The following STT3B variants were observed in gnomAD, a reference collection of about 807,000 sequenced individuals.
STT3B encodes dolichyl-diphosphooligosaccharide--protein glycosyltransferase subunit STT3B.
STT3B carries 29 observed loss-of-function variants against 96.8 expected under a neutral mutation model. The ratio of observed to expected loss-of-function variants is 0.30; its 90% CI spans 0.22 to 0.41. The LOEUF (loss-of-function observed/expected upper bound fraction) is 0.41. STT3B is among the 10% of genes least tolerant of loss of function. The pLI, the probability that STT3B is intolerant of heterozygous loss-of-function variation, is 1.00. For synonymous variants in STT3B, 367 were observed against 360.0 expected, an observed-to-expected ratio of 1.02 and a Z score of -0.22; for missense variants, 640 against 1,022.3, an observed-to-expected ratio of 0.63 and a Z score of 5.10.
At position 31,532,992 on chromosome 3, in the gene STT3B, G is replaced by A; in HGVS notation, c.-7G>A. The A allele has an allele frequency of 6.3e-7, 1 of 1,586,372 alleles. No individual in the cohort carries two copies. The highest frequency in any genetic ancestry group is 1.1e-5 in the South Asian group (1 of 89,432). ...GAGGAGAGCTAGACCCGCCGCCGGG[G>A]CACAACATGGCGGAGCCCTCGGCCC... On this transcript the variant is annotated 5_prime_UTR_variant, in exon 1 of 16. Transcript: ENST00000295770.
At chr3:31,583,595 A>G (rs1177704303) in intron 3 of STT3B, among the ~76,000 whole-genome samples, 2 of 152,102 alleles carry the variant, frequency 1.3e-5, no homozygotes, top group African/African-American at 4.8e-5. Context: ...CTGTCCTTTC[A>G]GTCTCTTTGT....
chr3:31,609,982 C>G (rs1699145553), intron 5 of STT3B, among the ~76,000 whole-genome samples: 1 of 152,156 alleles, frequency 6.6e-6, no homozygotes, highest in African/African-American at 2.4e-5. Context: ...TTCAGTGATT[C>G]ATTCTCAACA....
At chr3:31,579,209 A>G (rs1698326461) in intron 2 of STT3B, among the ~76,000 whole-genome samples, 1 of 152,024 alleles carries the variant, frequency 6.6e-6, no homozygotes. Flanking sequence ...TTAATTTTTC[A>G]GGAGTCCCAA....
intron 1 of STT3B, among the ~76,000 whole-genome samples, chr3:31,575,483 G>A (rs1698244835): frequency 6.6e-6 from 1 of 151,758 alleles, no homozygotes; most frequent in South Asian, 2.1e-4. Flanking sequence ...GGGATATGTT[G>A]CTTATTTTAG....
chr3:31,580,923 T>C (rs116331599), intron 3 of STT3B, among the ~76,000 whole-genome samples: 239 of 151,736 alleles, frequency 1.6e-3, no homozygotes, highest in African/African-American at 5.2e-3. Context: ...CTTTGTTTAT[T>C]GTGTGCAGCT....
rs569342547 is a variant in STT3B at position 31,569,455 on chromosome 3, G to C, written c.315-6941G>C. Among the ~76,000 whole-genome samples the C allele has an allele frequency of 7.9e-5, 12 of 152,178 alleles. No homozygotes were observed. In the East Asian group the frequency reaches 1.4e-3, roughly 17 times the overall value. On this transcript the variant is annotated intron_variant, in intron 1 of 15. Transcript: ENST00000295770. ...TGCCCCTTGCAGAAAAAGTTCATTA[G>C]CTCTAAAAATCAGGTTAAGAGAAGT... is the stretch of plus-strand genomic sequence containing the variant.
Position 31,636,301 on chromosome 3 carries a change from A to AT in STT3B, c.*247dup, listed in dbSNP as rs1046268484. ...CACTGCTGTAAATGTCTAGCAGCAG[A>AT]TTTTTTTTTTATTGGTACATATTAT... On this transcript the variant is annotated 3_prime_UTR_variant, in exon 16 of 16. Coordinates refer to ENST00000295770, the MANE Select transcript of STT3B (RefSeq NM_178862.3). 4,826 of 311,066 alleles carry AT rather than the reference A, an allele frequency of 0.016. No individual in the cohort carries two copies. Among genetic ancestry groups the AT allele is most frequent in the East Asian group, 0.022 (427 of 19,482 alleles). The allele number at this position is 311,066 out of a possible 1,614,324, so 19.3% of individuals were successfully genotyped here.
At chr3:31,590,131 G>T (rs1202296842) in intron 3 of STT3B, among the ~76,000 whole-genome samples, 1 of 151,830 alleles carries the variant, frequency 6.6e-6, no homozygotes, top group Admixed American at 6.6e-5. Flanking sequence ...GGCAGAAATT[G>T]TTCATAATAT....
At chr3:31,590,251 C>T (rs1698637622) in intron 3 of STT3B, among the ~76,000 whole-genome samples, 1 of 151,754 alleles carries the variant, frequency 6.6e-6, no homozygotes, top group African/African-American at 2.4e-5. Flanking sequence ...CTAGATAAAG[C>T]TTATCCAACT....
chr3:31,618,790 C>T (rs561143024), intron 8 of STT3B, among the ~76,000 whole-genome samples: 2 of 151,876 alleles, frequency 1.3e-5, no homozygotes, highest in South Asian at 4.2e-4. Context: ...GGATCACTAA[C>T]GAATTTGAAG....
intron 5 of STT3B, among the ~76,000 whole-genome samples, chr3:31,605,329 G>GTT (rs915832699): frequency 6.6e-6 from 1 of 151,216 alleles, no homozygotes; most frequent in African/African-American, 2.4e-5. Context: ...TGTAATAGGT[G>GTT]TTTTTTTTTA....
intron 11 of STT3B, among the ~76,000 whole-genome samples, chr3:31,624,203 G>GT (rs1559391332): frequency 6.6e-6 from 1 of 151,856 alleles, no homozygotes; most frequent in Non-Finnish European, 1.5e-5. Context: ...TGTGGTGTTC[G>GT]TACCCGTTAA....
At chr3:31,573,768 A>G (rs1698207833) in intron 1 of STT3B, among the ~76,000 whole-genome samples, 1 of 152,104 alleles carries the variant, frequency 6.6e-6, no homozygotes, top group Non-Finnish European at 1.5e-5. Flanking sequence ...TAGGGAGATG[A>G]TATTAGTGAA....
At chr3:31,620,672 C>T (rs1267053908) in intron 9 of STT3B, among the ~76,000 whole-genome samples, 2 of 152,158 alleles carry the variant, frequency 1.3e-5, no homozygotes, top group African/African-American at 4.8e-5. Flanking sequence ...ATATCAAAGG[C>T]TTCTACATGA....
intron 13 of STT3B, among the ~76,000 whole-genome samples, chr3:31,628,517 A>G (rs1699583664): frequency 1.3e-5 from 2 of 152,148 alleles, no homozygotes; most frequent in Admixed American, 6.5e-5. Flanking sequence ...TTGGCCATAT[A>G]CAAGTATCTC....
At chr3:31,552,074 A>T (rs1672605006) in intron 1 of STT3B, among the ~76,000 whole-genome samples, 1 of 152,192 alleles carries the variant, frequency 6.6e-6, no homozygotes, top group Non-Finnish European at 1.5e-5. Context: ...ACCTTGTGCG[A>T]CCCTAAACAG....
chr3:31,587,647 A>G (rs978589920), intron 3 of STT3B, among the ~76,000 whole-genome samples: 1 of 151,900 alleles, frequency 6.6e-6, no homozygotes, highest in African/African-American at 2.4e-5. Context: ...ATCACATTGT[A>G]TTTCTCCATT....
chr3:31,579,227 T>C (rs1698326930), intron 2 of STT3B, among the ~76,000 whole-genome samples: 1 of 151,992 alleles, frequency 6.6e-6, no homozygotes, highest in Non-Finnish European at 1.5e-5. Flanking sequence ...CAAAACATTA[T>C]CTCTGGATTC....
intron 3 of STT3B, among the ~76,000 whole-genome samples, chr3:31,592,752 C>T (rs777254354): frequency 5.9e-5 from 9 of 152,230 alleles, no homozygotes; most frequent in African/African-American, 1.4e-4. Flanking sequence ...AGGGTATTCA[C>T]GGTGACTTTC....
Sources: gnomAD v4.1 joint callset for allele counts (sites outside exome capture counted in the v4.1 genomes callset) on GRCh38, gnomAD v4.1.1 for gene constraint, MANE v1.5 for transcripts, NCBI Gene and HGNC (gene_info 2026-07-23, HGNC 2026-07-21) for gene names.